CREBRF: variants seen among roughly 807,000 people sequenced by gnomAD.
CREBRF encodes the protein CREB3 regulatory factor, also known as UPF0474 protein C5orf41.
A neutral mutation model predicts 66.1 loss-of-function variants in CREBRF; 5 were observed. The ratio of observed to expected loss-of-function variants is 0.08; its 90% CI spans 0.04 to 0.16. The LOEUF is 0.16. Among genes scored for constraint, CREBRF ranks in the 10% least tolerant of loss-of-function variants. The pLI is 1.00. For missense variants in CREBRF, 531 were observed against 744.9 expected (o/e 0.71, Z 3.34); for synonymous variants, 229 against 264.4 (o/e 0.87, Z 1.30).
intron 1 of CREBRF, among the ~76,000 whole-genome samples, chr5:173,066,581 T>C (rs934381667): frequency 6.6e-6 from 1 of 152,198 alleles, no homozygotes; most frequent in African/African-American, 2.4e-5. Flanking sequence ...ACCACTGTTA[T>C]ATCTCTAACA....
chr5:173,056,597 C>T (rs902743744), intron 1 of CREBRF, 118 bp downstream of exon 1: 3 of 390,664 alleles, frequency 7.7e-6, no homozygotes, highest in African/African-American at 2.1e-5. Context: ...TGGGCCGGGC[C>T]GGCGCGGGGC....
chr5:173,120,758 A>G (rs183611584), intron 7 of CREBRF, among the ~76,000 whole-genome samples: 227 of 135,296 alleles, frequency 1.7e-3, no homozygotes, highest in Non-Finnish European at 2.7e-3. Flanking sequence ...CAGTGGTGCA[A>G]TCACAGCTCA....
intron 1 of CREBRF, chr5:173,057,624 A>G (rs558965335): frequency 2.6e-5 from 4 of 152,414 alleles, no homozygotes; most frequent in East Asian, 3.9e-4. Context: ...CTTTAACCCA[A>G]GAAAGCAAGT....
chr5:173,094,151 G>A (rs888106381), intron 4 of CREBRF, among the ~76,000 whole-genome samples: 2 of 152,122 alleles, frequency 1.3e-5, no homozygotes, highest in South Asian at 4.1e-4. Context: ...GGGCATGTGC[G>A]TATAACTCTC....
chr5:173,101,846 G>C (rs986849114), intron 4 of CREBRF, among the ~76,000 whole-genome samples: 1 of 152,116 alleles, frequency 6.6e-6, no homozygotes, highest in African/African-American at 2.4e-5. Context: ...ACCGCGCCCG[G>C]CCTGTCATTA....
intron 4 of CREBRF, among the ~76,000 whole-genome samples, chr5:173,108,175 A>T (rs547756992): frequency 3.3e-5 from 5 of 151,824 alleles, no homozygotes; most frequent in Admixed American, 1.3e-4. Flanking sequence ...AAAATATTTA[A>T]AAAAAAAGAA....
chr5:173,056,425 C>T lies in CREBRF; in HGVS notation c.-246C>T, dbSNP rs1328070524. ...AACCCGAGGCAGCATGGAGAGGGGC[C>T]GTGGCCCCTGCAGCGGAACCGGACC... is the stretch of plus-strand genomic sequence containing the variant. On this transcript the variant is annotated 5_prime_UTR_variant, in exon 1 of 9. Transcript: ENST00000296953. 5.0e-6 allele frequency: 2 copies of T among 398,410 alleles called. No homozygotes were observed. Among genetic ancestry groups the T allele is most frequent in the African/African-American group, 4.1e-5 (2 of 48,748 alleles). The allele number at this position is 398,410 out of a possible 1,614,324, so 24.7% of individuals were successfully genotyped here.
intron 1 of CREBRF, chr5:173,060,602 G>C (rs1390767292): frequency 2.6e-5 from 4 of 151,988 alleles, no homozygotes; most frequent in Non-Finnish European, 4.4e-5. Flanking sequence ...TTTTTTTGAG[G>C]AACAATTCAC....
At position 173,114,990 on chromosome 5, in the gene CREBRF, C is replaced by A. The variant is rs187920292; in HGVS notation, c.1681+2611C>A. ...AGAGGTTTGCGGTAGCATGAGAGCC[C>A]TTTCCCTTTTCTCTCCCTGCCCCGT... On this transcript the variant is annotated intron_variant, in intron 7 of 8. Coordinates refer to ENST00000296953, the MANE Select transcript of CREBRF (RefSeq NM_153607.3). Among the ~76,000 whole-genome samples the A allele has an allele frequency of 4.6e-5, 7 of 152,306 alleles. No homozygotes were observed. In the East Asian group the frequency reaches 1.3e-3, roughly 29 times the overall value.
chr5:173,060,530 C>G (rs1757239806), intron 1 of CREBRF: 1 of 152,122 alleles, frequency 6.6e-6, no homozygotes. Flanking sequence ...CGTGCCCCCT[C>G]TAGTTATGTG....
chr5:173,063,817 G>A (rs1326520034), intron 1 of CREBRF, among the ~76,000 whole-genome samples: 3 of 151,954 alleles, frequency 2.0e-5, no homozygotes, highest in South Asian at 2.1e-4. Context: ...CGCATCCTGG[G>A]TTCAAGCAAT....
intron 2 of CREBRF, 150 bp downstream of exon 2, chr5:173,080,934 C>A: frequency 1.4e-6 from 1 of 732,208 alleles, no homozygotes. Context: ...AGTACATGTT[C>A]TTCCTTCCAT....
chr5:173,069,023 G>A (rs543221353), intron 1 of CREBRF, among the ~76,000 whole-genome samples: 1 of 151,680 alleles, frequency 6.6e-6, no homozygotes, highest in African/African-American at 2.4e-5. Flanking sequence ...AGTGAGCTGA[G>A]ATCACGCCAC....
chr5:173,059,876 T>A (rs1177826081), intron 1 of CREBRF, among the ~76,000 whole-genome samples: 1 of 152,190 alleles, frequency 6.6e-6, no homozygotes, highest in Non-Finnish European at 1.5e-5. Flanking sequence ...GCTAAATAGC[T>A]CCCGAAGAGA....
At position 173,134,403 on chromosome 5, in the gene CREBRF, T is replaced by C; in HGVS notation, c.*658T>C. ...ATATTTTGTATGATGAAAACCCTAA[T>C]GAGAAAAAACAAGATATATAGATGG... is the stretch of plus-strand genomic sequence containing the variant. On this transcript the variant is annotated 3_prime_UTR_variant, in exon 9 of 9. Coordinates refer to ENST00000296953, the MANE Select transcript of CREBRF (RefSeq NM_153607.3). 3 of 336,040 alleles carry C rather than the reference T, an allele frequency of 8.9e-6. No individual in the cohort carries two copies. Among genetic ancestry groups the C allele is most frequent in the Non-Finnish European group, 1.8e-5 (3 of 168,108 alleles). 20.8% of individuals were successfully genotyped at this position (336,040 alleles called of 1,614,324 possible). A position where few individuals can be genotyped will look rare whatever the true frequency, so the allele number is the denominator to read the frequency against.
rs952069576 is a variant in CREBRF at position 173,134,891 on chromosome 5, A to G, written c.*1146A>G. The G allele has an allele frequency of 1.3e-5, 2 of 152,536 alleles. No individual in the cohort carries two copies. The highest frequency in any genetic ancestry group is 2.9e-5 in the Non-Finnish European group (2 of 67,954). The allele number at this position is 152,536 out of a possible 1,614,324, so 9.4% of individuals were successfully genotyped here. On this transcript the variant is annotated 3_prime_UTR_variant, in exon 9 of 9. Coordinates refer to ENST00000296953, the MANE Select transcript of CREBRF (RefSeq NM_153607.3). The stretch of plus-strand genomic sequence containing the variant: ...TGTTCCTCTAGTTCGCTTCCATAGT[A>G]GATAAGTTGGTGGCCATTTAGATGT...
intron 7 of CREBRF, among the ~76,000 whole-genome samples, chr5:173,115,437 A>G (rs576117881): frequency 6.6e-6 from 1 of 151,702 alleles, no homozygotes; most frequent in East Asian, 2.0e-4. Context: ...AACTTTATTT[A>G]CTTTTAACCT....
chr5:173,082,176 G>A (rs900188984), intron 2 of CREBRF, among the ~76,000 whole-genome samples: 1 of 151,702 alleles, frequency 6.6e-6, no homozygotes, highest in Non-Finnish European at 1.5e-5. Context: ...ACCACGCCTG[G>A]CTAATTTTTT....
chr5:173,121,613 C>T (rs1005927935), intron 7 of CREBRF, among the ~76,000 whole-genome samples: 5 of 152,182 alleles, frequency 3.3e-5, no homozygotes, highest in East Asian at 1.9e-4. Flanking sequence ...TGAGCCACCA[C>T]GCCTGGCCTT....
Sources: allele counts gnomAD v4.1 joint callset (sites outside exome capture counted in the v4.1 genomes callset), GRCh38; gene constraint gnomAD v4.1.1; transcripts MANE v1.5; gene names NCBI Gene and HGNC (gene_info 2026-07-23, HGNC 2026-07-21).